The following GSG1L variants were observed in gnomAD, a reference collection of about 807,000 sequenced individuals.
The protein encoded by GSG1L is germ cell-specific gene 1-like protein.
A neutral mutation model predicts 42.1 loss-of-function variants in GSG1L; 24 were observed. The observed-to-expected ratio is 0.57, with a 90% CI of 0.41 to 0.80. The LOEUF (loss-of-function observed/expected upper bound fraction) is 0.80, where lower values mean the gene tolerates loss of function less well. GSG1L is among the 30% of genes least tolerant of loss of function. The probability of loss-of-function intolerance (pLI) is 0.00; values close to 1 mark genes in which losing one functional copy is unlikely to be tolerated. For synonymous variants in GSG1L, 215 were observed against 203.5 expected, an observed-to-expected ratio of 1.06 and a Z score of -0.48; for missense variants, 445 against 472.2, an observed-to-expected ratio of 0.94 and a Z score of 0.53.
intron 1 of GSG1L, among the ~76,000 whole-genome samples, chr16:28,010,064 G>C (rs1035026963): frequency 1.1e-4 from 17 of 152,320 alleles, no homozygotes; most frequent in African/African-American, 3.1e-4. Context: ...GGCTTCAGGG[G>C]AGAGGGAAGC....
chr16:27,880,870 C>A (rs568701257), intron 3 of GSG1L, among the ~76,000 whole-genome samples: 1 of 151,922 alleles, frequency 6.6e-6, no homozygotes, highest in South Asian at 2.1e-4. Flanking sequence ...GAGAGATGAA[C>A]CTGCTGATGA....
chr16:27,791,969 C>T (rs1373914498), intron 6 of GSG1L, among the ~76,000 whole-genome samples: 1 of 152,084 alleles, frequency 6.6e-6, no homozygotes, highest in Non-Finnish European at 1.5e-5. Flanking sequence ...GACAGCACCC[C>T]CTGCAGTCAC....
chr16:27,867,788 T>C (rs1359581500), intron 3 of GSG1L, among the ~76,000 whole-genome samples: 1 of 135,252 alleles, frequency 7.4e-6, no homozygotes, highest in South Asian at 2.3e-4. Context: ...GGCTTCCTCC[T>C]GAGGCCACGC....
chr16:27,875,713 C>T (rs542702646), intron 3 of GSG1L, among the ~76,000 whole-genome samples: 1 of 152,292 alleles, frequency 6.6e-6, no homozygotes, highest in African/African-American at 2.4e-5. Flanking sequence ...AATTCATCCT[C>T]TGGCATGGTA....
chr16:27,887,106 C>T (rs1249430312), intron 2 of GSG1L, among the ~76,000 whole-genome samples: 2 of 152,096 alleles, frequency 1.3e-5, no homozygotes, highest in Admixed American at 1.3e-4. Flanking sequence ...CAGGCATGCA[C>T]CACCATGCCC....
chr16:27,850,317 G>A (rs1423528380), intron 3 of GSG1L, among the ~76,000 whole-genome samples: 6 of 152,076 alleles, frequency 3.9e-5, no homozygotes, highest in African/African-American at 9.7e-5. Flanking sequence ...GTGAGCCACC[G>A]TGCCGGCCTT....
rs117137189 is a variant in GSG1L, at chr16:28,019,783, C to A, written c.349+43293G>T. Among the ~76,000 whole-genome samples the A allele has an allele frequency of 3.1e-3, 469 of 152,328 alleles. 2 individuals carry two copies. Among genetic ancestry groups the A allele is most frequent in the East Asian group, 0.021 (108 of 5,184 alleles). On this transcript the variant is annotated intron_variant, in intron 1 of 6. Coordinates refer to ENST00000447459, the MANE Select transcript of GSG1L (RefSeq NM_001109763.2). ...CAGAAATTTAGGCCACGCTAGACCA[C>A]AGTCTTGCAGACAATGACTTGCTGG...
chr16:27,916,439 C>T (rs113938225), intron 2 of GSG1L, among the ~76,000 whole-genome samples: 1,610 of 152,066 alleles, frequency 0.011, 29 homozygotes, highest in African/African-American at 0.036. Context: ...CCTCAGCCTC[C>T]CAAGTAGTTG....
chr16:28,029,276 T>C (rs2085930672), intron 1 of GSG1L, among the ~76,000 whole-genome samples: 1 of 152,186 alleles, frequency 6.6e-6, no homozygotes, highest in Non-Finnish European at 1.5e-5. Flanking sequence ...ATTATGTGAG[T>C]AGAAGTGCGT....
Position 27,963,157 on chromosome 16 carries a change from T to C in GSG1L, c.396A>G (p.Lys132=). ...SFIDLAPASE[K]GVLWLSVVSE... is the part of the protein sequence containing the mutation. ...CAGCTCAGCTGGGGTCACACTCACC[T>C]TTCTCCGATGCCGGGGCCAGGTCAA... is the stretch of plus-strand genomic sequence containing the variant. Residue 132 remains lysine, a splice_region_variant and synonymous_variant, in exon 2 of 7, where the codon AAA becomes AAG. Transcript: ENST00000447459. 6.2e-7 allele frequency: 1 copy of C among 1,613,434 alleles called. No homozygotes were observed. Among genetic ancestry groups the C allele is most frequent in the Non-Finnish European group, 8.5e-7 (1 of 1,179,422 alleles).
At chr16:27,881,206 G>A (rs957636345) in intron 3 of GSG1L, among the ~76,000 whole-genome samples, 1 of 151,460 alleles carries the variant, frequency 6.6e-6, no homozygotes, top group African/African-American at 2.4e-5. Context: ...CATATGAAAC[G>A]GGATTCAGTG....
chr16:28,058,268 T>C (rs1190423160), intron 1 of GSG1L, among the ~76,000 whole-genome samples: 5 of 152,184 alleles, frequency 3.3e-5, no homozygotes, highest in Non-Finnish European at 5.9e-5. Flanking sequence ...TGCCTCTGTT[T>C]ACTCACCTAG....
At chr16:28,038,862 G>A (rs939310284) in intron 1 of GSG1L, among the ~76,000 whole-genome samples, 5 of 152,096 alleles carry the variant, frequency 3.3e-5, no homozygotes, top group African/African-American at 1.2e-4. Context: ...GTAACATTCT[G>A]CCCACCTTCA....
chr16:27,999,524 C>T (rs1478955107), intron 1 of GSG1L, among the ~76,000 whole-genome samples: 1 of 152,142 alleles, frequency 6.6e-6, no homozygotes, highest in Non-Finnish European at 1.5e-5. Context: ...ACATCCCTGG[C>T]CCATCATGGG....
At chr16:27,925,329 T>C (rs957088703) in intron 2 of GSG1L, among the ~76,000 whole-genome samples, 1 of 152,028 alleles carries the variant, frequency 6.6e-6, no homozygotes, top group Non-Finnish European at 1.5e-5. Flanking sequence ...AGAGAGGCAG[T>C]AAGTTGTGGG....
At chr16:27,813,866 G>A (rs1052161694) in intron 5 of GSG1L, among the ~76,000 whole-genome samples, 1 of 152,194 alleles carries the variant, frequency 6.6e-6, no homozygotes, top group Admixed American at 6.5e-5. Context: ...TCAGCTCTGC[G>A]ATTAACAGGC....
rs144320672 is a variant in GSG1L at position 28,039,291 on chromosome 16, CT to C, written c.349+23784del. On this transcript the variant is annotated intron_variant, in intron 1 of 6. Coordinates refer to ENST00000447459, the MANE Select transcript of GSG1L (RefSeq NM_001109763.2). ...CCACCCTATGACGTGGGAAATGCCC[CT>C]ATGAAGGTTTCATGTTAGTTCCCAA... is the stretch of plus-strand genomic sequence containing the variant. Among the ~76,000 whole-genome samples the C allele has an allele frequency of 6.7e-3, 1,024 of 152,292 alleles. 8 individuals are homozygous for C. The highest frequency in any genetic ancestry group is 0.021 in the African/African-American group (858 of 41,560).
chr16:28,025,005 C>T (rs1321440466), intron 1 of GSG1L, among the ~76,000 whole-genome samples: 1 of 152,194 alleles, frequency 6.6e-6, no homozygotes, highest in Non-Finnish European at 1.5e-5. Context: ...TGATTTATTT[C>T]CCACCCGGGG....
At chr16:27,930,697 C>A (rs2084646740) in intron 2 of GSG1L, among the ~76,000 whole-genome samples, 1 of 152,142 alleles carries the variant, frequency 6.6e-6, no homozygotes, top group Non-Finnish European at 1.5e-5. Context: ...ATAGTAGGTC[C>A]TTAAAGGATG....
Sources: allele counts gnomAD v4.1 joint callset (sites outside exome capture counted in the v4.1 genomes callset), GRCh38; gene constraint gnomAD v4.1.1; transcripts MANE v1.5; gene names NCBI Gene and HGNC (gene_info 2026-07-23, HGNC 2026-07-21).